The following GPC6 variants were observed in gnomAD, a reference collection of about 807,000 sequenced individuals.
GPC6 encodes glypican-6.
A neutral mutation model predicts 55.2 loss-of-function variants in GPC6; 14 were observed. The ratio of observed to expected loss-of-function variants is 0.25; its 90% CI spans 0.17 to 0.40. The LOEUF (loss-of-function observed/expected upper bound fraction) is 0.40. Ranked by LOEUF, GPC6 falls within the 10% of genes least tolerant of loss-of-function variation. The pLI, the probability that GPC6 is intolerant of heterozygous loss-of-function variation, is 1.00. For missense variants in GPC6, 641 were observed against 708.5 expected (o/e 0.90, Z 1.08); for synonymous variants, 278 against 259.6 (o/e 1.07, Z -0.68).
intron 1 of GPC6, among the ~76,000 whole-genome samples, chr13:93,461,132 T>C (rs1441905402): frequency 1.3e-5 from 2 of 152,122 alleles, no homozygotes; most frequent in Non-Finnish European, 2.9e-5. Flanking sequence ...TCCAATTTTT[T>C]TATCGTAAAA....
chr13:94,276,541 T>A (rs1892213412), intron 4 of GPC6, among the ~76,000 whole-genome samples: 1 of 152,156 alleles, frequency 6.6e-6, no homozygotes, highest in Admixed American at 6.5e-5. Flanking sequence ...TAGGTATACA[T>A]GTGCCATGGT....
chr13:93,621,166 A>G (rs1458720732), intron 2 of GPC6, among the ~76,000 whole-genome samples: 1 of 152,148 alleles, frequency 6.6e-6, no homozygotes, highest in Non-Finnish European at 1.5e-5. Context: ...ATTACTCAAG[A>G]GCCAGGTTGC....
chr13:94,169,798 C>T (rs959791885), intron 4 of GPC6, among the ~76,000 whole-genome samples: 1 of 152,060 alleles, frequency 6.6e-6, no homozygotes. Flanking sequence ...AGAGAGAACA[C>T]GTGGCTGCAG....
chr13:93,326,814 G>A (rs916501393), intron 1 of GPC6, among the ~76,000 whole-genome samples: 5 of 152,048 alleles, frequency 3.3e-5, no homozygotes, highest in African/African-American at 1.2e-4. Context: ...AATGTCCAGC[G>A]AACATTTTTT....
At chr13:94,288,790 T>C (rs369389932) in intron 5 of GPC6, among the ~76,000 whole-genome samples, 3 of 52,866 alleles carry the variant, frequency 5.7e-5, no homozygotes, top group African/African-American at 2.9e-4. Flanking sequence ...ATATATATAA[T>C]AAATATATAT....
chr13:93,928,173 A>T (rs1877959100), intron 3 of GPC6, among the ~76,000 whole-genome samples: 1 of 152,216 alleles, frequency 6.6e-6, no homozygotes, highest in Non-Finnish European at 1.5e-5. Context: ...GATAAACTGG[A>T]TAATGGGAGT....
rs145115014 is a variant in GPC6, at chr13:93,733,966, A to G, written c.320-96188A>G. Among the ~76,000 whole-genome samples, 19 of 152,326 alleles carry G rather than the reference A, an allele frequency of 1.2e-4. No individual in the cohort carries two copies. In the East Asian group the frequency reaches 3.7e-3, roughly 29 times the overall value. Reference sequence around the variant, plus strand: ...CATGTTCTTTCATTCATGGTCTTCAATATTAAGCTATCCACACCCACATAC... The same window carrying G: ...CATGTTCTTTCATTCATGGTCTTCAGTATTAAGCTATCCACACCCACATAC... On this transcript the variant is annotated intron_variant, in intron 2 of 8. Coordinates refer to ENST00000377047, the MANE Select transcript of GPC6 (RefSeq NM_005708.5).
intron 3 of GPC6, among the ~76,000 whole-genome samples, chr13:93,878,822 T>C (rs763045491): frequency 2.6e-5 from 4 of 152,104 alleles, no homozygotes; most frequent in Non-Finnish European, 4.4e-5. Context: ...GAAATAAATT[T>C]CCATTGTTTA....
chr13:93,857,189 G>A (rs1015452476), intron 3 of GPC6, among the ~76,000 whole-genome samples: 1 of 151,646 alleles, frequency 6.6e-6, no homozygotes, highest in Middle Eastern at 3.4e-3. Context: ...ACAATAAATT[G>A]CAAACACATC....
chr13:93,408,248 T>C (rs1594148861), intron 1 of GPC6, among the ~76,000 whole-genome samples: 1 of 152,278 alleles, frequency 6.6e-6, no homozygotes, highest in African/African-American at 2.4e-5. Flanking sequence ...TTTCAAACTA[T>C]GTTTAATCAT....
At chr13:94,109,431 A>T (rs1041625527) in intron 4 of GPC6, among the ~76,000 whole-genome samples, 2 of 151,124 alleles carry the variant, frequency 1.3e-5, no homozygotes, top group Non-Finnish European at 3.0e-5. Flanking sequence ...TTAAGACAGA[A>T]ACTAGGTTTA....
chr13:94,376,819 C>G (rs963801603), intron 6 of GPC6, among the ~76,000 whole-genome samples: 32 of 151,964 alleles, frequency 2.1e-4, no homozygotes, highest in African/African-American at 6.5e-4. Context: ...GCTACAGTAA[C>G]CAAAACAGCA....
At chr13:94,062,838 T>C (rs567366986) in intron 4 of GPC6, among the ~76,000 whole-genome samples, 1 of 152,284 alleles carries the variant, frequency 6.6e-6, no homozygotes, top group East Asian at 1.9e-4. Context: ...GTACCTTACA[T>C]ATATAGAGAG....
intron 3 of GPC6, among the ~76,000 whole-genome samples, chr13:94,015,913 A>G (rs191681918): frequency 1.8e-3 from 277 of 152,338 alleles, no homozygotes; most frequent in Middle Eastern, 3.4e-3. Flanking sequence ...ACAAAAATGC[A>G]TAACACTCTT....
At chr13:93,311,492 A>G (rs1176374590) in intron 1 of GPC6, among the ~76,000 whole-genome samples, 4 of 151,446 alleles carry the variant, frequency 2.6e-5, no homozygotes, top group Non-Finnish European at 5.9e-5. Context: ...CAAAGACACC[A>G]CCCCTTATTT....
chr13:93,239,977 T>G (rs2139013855), intron 1 of GPC6, among the ~76,000 whole-genome samples: 1 of 152,274 alleles, frequency 6.6e-6, no homozygotes. Flanking sequence ...AGGTTTATTC[T>G]GCTGCAGTCT....
chr13:93,946,631 T>A (rs957296595), intron 3 of GPC6, among the ~76,000 whole-genome samples: 1 of 152,150 alleles, frequency 6.6e-6, no homozygotes. Context: ...GAGTATGAAT[T>A]TTTATTCCAC....
intron 4 of GPC6, among the ~76,000 whole-genome samples, chr13:94,083,320 G>A (rs568015009): frequency 2.2e-4 from 33 of 152,198 alleles, no homozygotes; most frequent in East Asian, 2.1e-3. Flanking sequence ...GGGTTTCACC[G>A]TGTTAGCCAG....
intron 4 of GPC6, among the ~76,000 whole-genome samples, chr13:94,265,140 G>A (rs1891761078): frequency 3.3e-5 from 5 of 152,198 alleles, no homozygotes. Flanking sequence ...GAAAACAGGA[G>A]AATCCGGTGG....
Sources: gnomAD v4.1 joint callset for allele counts (sites outside exome capture counted in the v4.1 genomes callset) on GRCh38, gnomAD v4.1.1 for gene constraint, MANE v1.5 for transcripts, NCBI Gene and HGNC (gene_info 2026-07-23, HGNC 2026-07-21) for gene names.